C1QTNF3: variants seen among roughly 807,000 people sequenced by gnomAD.
The protein encoded by C1QTNF3 is C1q and TNF related 3.
A neutral mutation model predicts 32.6 loss-of-function variants in C1QTNF3; 26 were observed. The ratio of observed to expected loss-of-function variants is 0.80; its 90% confidence interval spans 0.58 to 1.11. The LOEUF (loss-of-function observed/expected upper bound fraction) is 1.11, where lower values mean the gene tolerates loss of function less well. Ranked by LOEUF, C1QTNF3 falls within the 50% of genes least tolerant of loss-of-function variation. The pLI is 0.00. For missense variants in C1QTNF3, 362 were observed against 398.2 expected, an observed-to-expected ratio of 0.91 and a Z score of 0.77; for synonymous variants, 155 against 146.0, an observed-to-expected ratio of 1.06 and a Z score of -0.44.
chr5:34,174,105 G>A, the C1QTNF3 span, among the ~76,000 whole-genome samples: 4 of 151,698 alleles, frequency 2.6e-5, no homozygotes, highest in Non-Finnish European at 4.4e-5. Context: ...TCACCCAGGC[G>A]GGAGTGCAGT....
At chr5:34,177,859 G>C in the C1QTNF3 span, among the ~76,000 whole-genome samples, 1 of 151,834 alleles carries the variant, frequency 6.6e-6, no homozygotes, top group Non-Finnish European at 1.5e-5. Flanking sequence ...CTGGGCTCAA[G>C]AGATCCTCTG....
chr5:34,112,497 CAAAA>C, the C1QTNF3 span, among the ~76,000 whole-genome samples: 3 of 132,812 alleles, frequency 2.3e-5, no homozygotes, highest in Non-Finnish European at 4.8e-5. Context: ...CCATCTCTAC[CAAAA>C]AAAAAAAAAA....
the C1QTNF3 span, chr5:34,164,915 A>C: frequency 6.6e-6 from 1 of 151,832 alleles, no homozygotes; most frequent in African/African-American, 2.4e-5. Context: ...GTTCAGATGG[A>C]TCTTACCAGA....
chr5:34,106,339 T>C, the C1QTNF3 span: 6 of 151,996 alleles, frequency 3.9e-5, no homozygotes, highest in Non-Finnish European at 5.9e-5. Flanking sequence ...ATTTAAGTAA[T>C]TCAAAGAATA....
the C1QTNF3 span, among the ~76,000 whole-genome samples, chr5:34,144,604 A>G: frequency 6.6e-6 from 1 of 152,222 alleles, no homozygotes; most frequent in African/African-American, 2.4e-5. Flanking sequence ...ATGCAATAAA[A>G]AAAAGAAGTG....
At chr5:34,132,637 T>A in the C1QTNF3 span, among the ~76,000 whole-genome samples, 1 of 152,072 alleles carries the variant, frequency 6.6e-6, no homozygotes, top group African/African-American at 2.4e-5. Flanking sequence ...ATCTTACATA[T>A]TATTTGTCAT....
chr5:34,185,519 T>C, the C1QTNF3 span, among the ~76,000 whole-genome samples: 1 of 152,242 alleles, frequency 6.6e-6, no homozygotes, highest in African/African-American at 2.4e-5. Context: ...CACAGACTTC[T>C]TGGACTTGTG....
At chr5:34,100,085 C>T in the C1QTNF3 span, among the ~76,000 whole-genome samples, 1 of 151,226 alleles carries the variant, frequency 6.6e-6, no homozygotes, top group South Asian at 2.1e-4. Context: ...AGTCCAATGT[C>T]CAACCACCGA....
intron 5 of C1QTNF3, among the ~76,000 whole-genome samples, chr5:34,023,537 C>T (rs185454089): frequency 2.6e-4 from 39 of 152,264 alleles, no homozygotes; most frequent in Non-Finnish European, 3.5e-4. Context: ...AGAAAGGTGT[C>T]GGCTCTCTGC....
the C1QTNF3 span, among the ~76,000 whole-genome samples, chr5:34,115,765 C>T: frequency 2.0e-5 from 3 of 150,580 alleles, no homozygotes; most frequent in African/African-American, 7.3e-5. Flanking sequence ...GCTGGTATGT[C>T]TTGATTAGTA....
At chr5:34,218,602 G>A in the C1QTNF3 span, among the ~76,000 whole-genome samples, 198 of 152,266 alleles carry the variant, frequency 1.3e-3, no homozygotes, top group Middle Eastern at 3.4e-3. Flanking sequence ...AGGATGGACA[G>A]AGTCCATAAT....
At chr5:34,135,329 T>G in the C1QTNF3 span, among the ~76,000 whole-genome samples, 1 of 152,198 alleles carries the variant, frequency 6.6e-6, no homozygotes, top group East Asian at 1.9e-4. Context: ...CAGTATTTCA[T>G]TAAGGATTTT....
the C1QTNF3 span, among the ~76,000 whole-genome samples, chr5:34,059,941 T>C: frequency 6.6e-6 from 1 of 152,080 alleles, no homozygotes. Flanking sequence ...GGTCCTGCTG[T>C]CTCCCTGAGA....
the C1QTNF3 span, among the ~76,000 whole-genome samples, chr5:34,147,922 T>C: frequency 2.0e-5 from 3 of 152,122 alleles, no homozygotes; most frequent in Non-Finnish European, 4.4e-5. Flanking sequence ...AGACGGTGAT[T>C]TCTGCATTTC....
the C1QTNF3 span, among the ~76,000 whole-genome samples, chr5:34,052,925 A>G: frequency 6.6e-6 from 1 of 152,178 alleles, no homozygotes; most frequent in South Asian, 2.1e-4. Context: ...GGCTGGGACA[A>G]ATTATGCCTC....
chr5:34,166,686 T>C, the C1QTNF3 span: 2 of 152,196 alleles, frequency 1.3e-5, no homozygotes, highest in Admixed American at 1.3e-4. Context: ...AAGATTCCCA[T>C]ATTTCCATCT....
At chr5:34,188,851 G>A in the C1QTNF3 span, among the ~76,000 whole-genome samples, 1 of 152,262 alleles carries the variant, frequency 6.6e-6, no homozygotes, top group East Asian at 1.9e-4. Flanking sequence ...GGAGGGGCCG[G>A]GGAAGAATTA....
At chr5:34,168,822 C>G in the C1QTNF3 span, 1 of 152,140 alleles carries the variant, frequency 6.6e-6, no homozygotes, top group East Asian at 1.9e-4. Flanking sequence ...TGAAGACCAT[C>G]GGGCCACCTA....
the C1QTNF3 span, among the ~76,000 whole-genome samples, chr5:34,157,289 A>G: frequency 1.3e-5 from 2 of 152,200 alleles, no homozygotes; most frequent in Non-Finnish European, 2.9e-5. Context: ...CTACTGTGTT[A>G]TATACCAAAC....
Sources: gnomAD v4.1 joint callset for allele counts (sites outside exome capture counted in the v4.1 genomes callset) on GRCh38, gnomAD v4.1.1 for gene constraint, MANE v1.5 for transcripts, NCBI Gene and HGNC (gene_info 2026-07-23, HGNC 2026-07-21) for gene names.